Variants in KCTD16 observed in about 807,000 individuals in gnomAD.
KCTD16 encodes BTB/POZ domain-containing protein KCTD16.
A neutral mutation model predicts 33.2 loss-of-function variants in KCTD16; 13 were observed. The ratio of observed to expected loss-of-function variants is 0.39; its 90% CI spans 0.25 to 0.62. The LOEUF (loss-of-function observed/expected upper bound fraction) is 0.62. Ranked by LOEUF, KCTD16 falls within the 20% of genes least tolerant of loss-of-function variation. The pLI, the probability that KCTD16 is intolerant of heterozygous loss-of-function variation, is 0.50. For synonymous variants in KCTD16, 197 were observed against 195.3 expected, an observed-to-expected ratio of 1.01 and a Z score of -0.07; for missense variants, 441 against 525.1, an observed-to-expected ratio of 0.84 and a Z score of 1.57.
intron 3 of KCTD16, among the ~76,000 whole-genome samples, chr5:144,427,922 C>A (rs1314524205): frequency 2.6e-5 from 4 of 152,060 alleles, no homozygotes; most frequent in African/African-American, 9.7e-5. Flanking sequence ...GTTCATTTAT[C>A]AGTAAAATTA....
intron 3 of KCTD16, among the ~76,000 whole-genome samples, chr5:144,217,860 A>AT (rs1024712732): frequency 6.6e-6 from 1 of 152,002 alleles, no homozygotes; most frequent in Non-Finnish European, 1.5e-5. Flanking sequence ...AAAAAAAAAA[A>AT]GTAATGAAGT....
At chr5:144,467,314 C>G (rs1382226946) in intron 3 of KCTD16, among the ~76,000 whole-genome samples, 1 of 151,812 alleles carries the variant, frequency 6.6e-6, no homozygotes, top group Non-Finnish European at 1.5e-5. Flanking sequence ...AAGGTTTACT[C>G]TGTCACACAC....
In KCTD16 at chr5:144,482,992, C is replaced by T. The variant is rs1479008748; in HGVS notation, c.*8878C>T. 2.0e-5 allele frequency: 3 copies of T among 151,392 alleles called. No homozygotes were observed. The South Asian group carries it at 6.2e-4, about 31-fold the overall frequency. 9.4% of individuals were successfully genotyped at this position (151,392 alleles called of 1,614,324 possible). Reference sequence around the variant, plus strand: ...ATATATTTATTTATGGTGCCGAGAACATTAACAAAATATTTAGATTTAATA... The same window carrying T: ...ATATATTTATTTATGGTGCCGAGAATATTAACAAAATATTTAGATTTAATA... On this transcript the variant is annotated 3_prime_UTR_variant, in exon 4 of 4. Transcript: ENST00000512467.
intron 3 of KCTD16, among the ~76,000 whole-genome samples, chr5:144,327,811 G>A (rs1752251878): frequency 6.6e-6 from 1 of 152,040 alleles, no homozygotes; most frequent in African/African-American, 2.4e-5. Flanking sequence ...TTTTATGGAT[G>A]TTTTATAATT....
chr5:144,267,038 A>G (rs530997973), intron 3 of KCTD16, among the ~76,000 whole-genome samples: 32 of 152,336 alleles, frequency 2.1e-4, no homozygotes, highest in African/African-American at 7.7e-4. Context: ...CCTTGCATGC[A>G]GTAATTATAA....
chr5:144,403,509 C>A (rs1351950245), intron 3 of KCTD16, among the ~76,000 whole-genome samples: 5 of 152,052 alleles, frequency 3.3e-5, no homozygotes, highest in Admixed American at 2.0e-4. Context: ...CAGGGATTGC[C>A]AGTAACCACC....
chr5:144,216,198 T>C (rs921644413), intron 3 of KCTD16, among the ~76,000 whole-genome samples: 2 of 152,216 alleles, frequency 1.3e-5, no homozygotes, highest in African/African-American at 4.8e-5. Context: ...AAAATGGTTA[T>C]TGAGTATGTC....
chr5:144,437,231 T>C (rs1006087701), intron 3 of KCTD16, among the ~76,000 whole-genome samples: 6 of 152,036 alleles, frequency 3.9e-5, no homozygotes, highest in African/African-American at 1.4e-4. Context: ...TTTCTGGGAG[T>C]AATCAACTCA....
At chr5:144,387,996 A>G (rs1752362689) in intron 3 of KCTD16, among the ~76,000 whole-genome samples, 1 of 151,876 alleles carries the variant, frequency 6.6e-6, no homozygotes, top group South Asian at 2.1e-4. Flanking sequence ...TTTAAGGGTC[A>G]AAGATTATAT....
chr5:144,185,099 T>C (rs1457157133), intron 2 of KCTD16, among the ~76,000 whole-genome samples: 1 of 152,214 alleles, frequency 6.6e-6, no homozygotes, highest in South Asian at 2.1e-4. Context: ...GTTAACTATC[T>C]TCATTTTGCA....
At chr5:144,329,045 C>T (rs922392810) in intron 3 of KCTD16, among the ~76,000 whole-genome samples, 2 of 152,030 alleles carry the variant, frequency 1.3e-5, no homozygotes, top group Non-Finnish European at 2.9e-5. Context: ...TTTTAAAGCC[C>T]TCTAGTGCTT....
intron 2 of KCTD16, among the ~76,000 whole-genome samples, chr5:144,183,054 A>T (rs919757324): frequency 2.6e-5 from 4 of 151,642 alleles, no homozygotes; most frequent in South Asian, 2.1e-4. Flanking sequence ...ATAAAAAAAA[A>T]AAATAAAAGA....
rs1243750021 is a variant in KCTD16 at position 144,485,241 on chromosome 5, T to A, written c.*11127T>A. The A allele has an allele frequency of 6.6e-6, 1 of 151,872 alleles. No individual in the cohort carries two copies. The highest frequency in any genetic ancestry group is 1.5e-5 in the Non-Finnish European group (1 of 67,894). 9.4% of individuals were successfully genotyped at this position (151,872 alleles called of 1,614,324 possible). ...ATGGAATTGCACATCATTTTGGCAATCATTGGTTCACTCAGAAGGCAACCG... is the reference window on the plus strand; with the variant it reads ...ATGGAATTGCACATCATTTTGGCAAACATTGGTTCACTCAGAAGGCAACCG... On this transcript the variant is annotated 3_prime_UTR_variant, in exon 4 of 4. Coordinates refer to ENST00000512467, the MANE Select transcript of KCTD16 (RefSeq NM_020768.4).
intron 3 of KCTD16, among the ~76,000 whole-genome samples, chr5:144,248,197 C>T (rs1428948489): frequency 6.6e-6 from 1 of 152,028 alleles, no homozygotes; most frequent in Non-Finnish European, 1.5e-5. Context: ...GAGTAGGGGG[C>T]AGTAGTGCCA....
intron 2 of KCTD16, among the ~76,000 whole-genome samples, chr5:144,187,209 C>T (rs1004597519): frequency 2.0e-5 from 3 of 152,152 alleles, no homozygotes; most frequent in African/African-American, 7.2e-5. Context: ...TATTGCAAAC[C>T]ACTTATAACA....
intron 3 of KCTD16, among the ~76,000 whole-genome samples, chr5:144,403,522 A>G (rs1405312533): frequency 1.3e-5 from 2 of 152,082 alleles, no homozygotes; most frequent in Admixed American, 1.3e-4. Context: ...TAACCACCAG[A>G]AGCTAAGAGA....
chr5:144,326,545 A>C (rs994310332), intron 3 of KCTD16, among the ~76,000 whole-genome samples: 1 of 152,178 alleles, frequency 6.6e-6, no homozygotes, highest in South Asian at 2.1e-4. Context: ...ACTGTTTCAC[A>C]TATAAAACAA....
chr5:144,468,442 T>C (rs1357969285), intron 3 of KCTD16, among the ~76,000 whole-genome samples: 4 of 152,132 alleles, frequency 2.6e-5, no homozygotes, highest in Non-Finnish European at 5.9e-5. Flanking sequence ...CATCTCTCAA[T>C]AGAAGCCCCC....
At chr5:144,371,333 G>A (rs1002885006) in intron 3 of KCTD16, among the ~76,000 whole-genome samples, 5 of 151,854 alleles carry the variant, frequency 3.3e-5, no homozygotes, top group African/African-American at 9.7e-5. Flanking sequence ...TGATTTTAAC[G>A]GTCTATCATA....
Sources: gnomAD v4.1 joint callset for allele counts (sites outside exome capture counted in the v4.1 genomes callset) on GRCh38, gnomAD v4.1.1 for gene constraint, MANE v1.5 for transcripts, NCBI Gene and HGNC (gene_info 2026-07-23, HGNC 2026-07-21) for gene names.